Variants in PCDH7 observed in about 807,000 individuals in gnomAD.
PCDH7 encodes protocadherin 7.
In PCDH7, 17 loss-of-function variants were observed where a neutral mutation model predicts 58.9. The ratio of observed to expected loss-of-function variants is 0.29; its 90% confidence interval spans 0.20 to 0.43. The LOEUF is 0.43. Ranked by LOEUF, PCDH7 falls within the 20% of genes least tolerant of loss-of-function variation. PCDH7 has a pLI of 1.00. For synonymous variants in PCDH7, 664 were observed against 616.4 expected (o/e 1.08, Z -1.14); for missense variants, 1,274 against 1,441.0 (o/e 0.88, Z 1.88).
intron 3 of PCDH7, among the ~76,000 whole-genome samples, chr4:31,001,034 T>A (rs900286355): frequency 6.6e-6 from 1 of 152,048 alleles, no homozygotes; most frequent in African/African-American, 2.4e-5. Flanking sequence ...GGCAAAAGAA[T>A]GTTGATAATA....
chr4:31,142,974 C>A, downstream of PCDH7: 1 of 602,124 alleles, frequency 1.7e-6, no homozygotes. Flanking sequence ...CTTTGCCTGC[C>A]ACTTCTGCCT....
intron 1 of PCDH7, among the ~76,000 whole-genome samples, chr4:30,856,412 AT>A (rs1733465276): frequency 6.6e-6 from 1 of 152,082 alleles, no homozygotes. Context: ...TAGACTGAGA[AT>A]TTAGTAGGTA....
intron 1 of PCDH7, among the ~76,000 whole-genome samples, chr4:30,772,070 A>C (rs1043816106): frequency 2.0e-5 from 3 of 152,028 alleles, no homozygotes; most frequent in Non-Finnish European, 2.9e-5. Context: ...GGGTCTCACC[A>C]TGTTGGCCAG....
At chr4:30,812,281 T>C (rs908041033) in intron 1 of PCDH7, among the ~76,000 whole-genome samples, 5 of 152,212 alleles carry the variant, frequency 3.3e-5, no homozygotes, top group African/African-American at 1.2e-4. Context: ...CCTGAAATCT[T>C]CACTTACAAG....
At chr4:31,097,874 A>G (rs536166580) in intron 3 of PCDH7, among the ~76,000 whole-genome samples, 1 of 151,986 alleles carries the variant, frequency 6.6e-6, no homozygotes, top group Admixed American at 6.6e-5. Flanking sequence ...AGGCAGTTAA[A>G]TGAGACCTTA....
intron 1 of PCDH7, among the ~76,000 whole-genome samples, chr4:30,768,186 G>A (rs1220439146): frequency 2.0e-5 from 3 of 150,064 alleles, no homozygotes; most frequent in Non-Finnish European, 3.0e-5. Flanking sequence ...CAATTGATGA[G>A]CCTTTAAAGA....
chr4:30,790,635 A>G (rs1254704081), intron 1 of PCDH7, among the ~76,000 whole-genome samples: 7 of 152,320 alleles, frequency 4.6e-5, no homozygotes, highest in African/African-American at 1.7e-4. Flanking sequence ...AATATTGTAG[A>G]CAGGGCTGGC....
At chr4:31,087,596 G>A (rs1712629180) in intron 3 of PCDH7, among the ~76,000 whole-genome samples, 1 of 152,018 alleles carries the variant, frequency 6.6e-6, no homozygotes, top group African/African-American at 2.4e-5. Context: ...TGGTGGGCAG[G>A]AACAATGACA....
chr4:31,109,712 A>T (rs187484654), intron 3 of PCDH7, among the ~76,000 whole-genome samples: 3 of 152,332 alleles, frequency 2.0e-5, no homozygotes, highest in African/African-American at 7.2e-5. Flanking sequence ...TTTAGTTGAA[A>T]CTATTGAAGA....
At chr4:30,893,764 A>G (rs937522761) in intron 1 of PCDH7, among the ~76,000 whole-genome samples, 15 of 152,204 alleles carry the variant, frequency 9.9e-5, no homozygotes, top group African/African-American at 3.6e-4. Context: ...TTACTTCACT[A>G]ATTGTTCCTT....
intron 3 of PCDH7, among the ~76,000 whole-genome samples, chr4:31,129,141 A>T (rs1347881677): frequency 1.3e-5 from 2 of 152,172 alleles, no homozygotes; most frequent in African/African-American, 2.4e-5. Flanking sequence ...TAGGATTCAA[A>T]GTATGTACTT....
At chr4:30,909,895 T>C (rs1741501004) in intron 1 of PCDH7, among the ~76,000 whole-genome samples, 2 of 152,172 alleles carry the variant, frequency 1.3e-5, no homozygotes, top group Admixed American at 1.3e-4. Flanking sequence ...AGAACAAAGA[T>C]GGAGGCATCA....
intron 1 of PCDH7, among the ~76,000 whole-genome samples, chr4:30,767,443 C>T (rs921508416): frequency 6.6e-6 from 1 of 152,114 alleles, no homozygotes; most frequent in African/African-American, 2.4e-5. Context: ...GGTAAACTTG[C>T]CTCTGAGAAA....
chr4:30,999,677 A>G (rs1752197139), intron 3 of PCDH7, among the ~76,000 whole-genome samples: 1 of 152,116 alleles, frequency 6.6e-6, no homozygotes, highest in South Asian at 2.1e-4. Flanking sequence ...ATAGCAATGC[A>G]CTGTAATGTT....
At chr4:31,135,299 C>T (rs761175400) in intron 3 of PCDH7, among the ~76,000 whole-genome samples, 1 of 152,148 alleles carries the variant, frequency 6.6e-6, no homozygotes, top group African/African-American at 2.4e-5. Flanking sequence ...AATCATTAAT[C>T]GTGAGGTTGA....
chr4:31,076,233 G>T (rs1485544275), intron 3 of PCDH7, among the ~76,000 whole-genome samples: 1 of 152,100 alleles, frequency 6.6e-6, no homozygotes, highest in Non-Finnish European at 1.5e-5. Flanking sequence ...AGTTTATGTT[G>T]CCAATGCTCT....
chr4:30,874,002 A>G (rs1376739395), intron 1 of PCDH7, among the ~76,000 whole-genome samples: 1 of 152,078 alleles, frequency 6.6e-6, no homozygotes, highest in East Asian at 1.9e-4. Context: ...GTTAATTTTT[A>G]AATAGTGAAA....
At chr4:31,070,094 G>T (rs1052407125) in intron 3 of PCDH7, among the ~76,000 whole-genome samples, 1 of 151,914 alleles carries the variant, frequency 6.6e-6, no homozygotes, top group Admixed American at 6.6e-5. Flanking sequence ...AATGTATTCC[G>T]TGCCTAAAGT....
At chr4:30,833,483 C>G (rs1730068832) in intron 1 of PCDH7, among the ~76,000 whole-genome samples, 1 of 152,104 alleles carries the variant, frequency 6.6e-6, no homozygotes, top group Non-Finnish European at 1.5e-5. Context: ...ATTACATTGG[C>G]CCACTTAGAT....
Sources: allele counts gnomAD v4.1 joint callset (sites outside exome capture counted in the v4.1 genomes callset), GRCh38; gene constraint gnomAD v4.1.1; transcripts MANE v1.5; gene names NCBI Gene and HGNC (gene_info 2026-07-23, HGNC 2026-07-21).